CACNA1E: variants seen among roughly 807,000 people sequenced by gnomAD.
CACNA1E encodes the protein calcium voltage-gated channel subunit alpha1 E, also known as voltage-dependent R-type calcium channel subunit alpha-1E.
Under a neutral mutation model 259.2 loss-of-function variants are expected in CACNA1E, and 40 were observed. That is an observed-to-expected ratio of 0.15 (90% confidence interval 0.12 to 0.20). CACNA1E has a LOEUF of 0.20. Among genes scored for constraint, CACNA1E ranks in the 10% least tolerant of loss-of-function variants. The pLI, the probability that CACNA1E is intolerant of heterozygous loss-of-function variation, is 1.00. For synonymous variants in CACNA1E, 1,104 were observed against 1,138.5 expected, an observed-to-expected ratio of 0.97 and a Z score of 0.61; for missense variants, 1,874 against 3,040.1, an observed-to-expected ratio of 0.62 and a Z score of 9.02.
intron 35 of CACNA1E, among the ~76,000 whole-genome samples, chr1:181,768,005 T>C (rs1659175518): frequency 6.6e-6 from 1 of 152,282 alleles, no homozygotes. Flanking sequence ...GATGCTCGTA[T>C]ACAATGTGTA....
chr1:181,512,726 C>G (rs1666256285), intron 3 of CACNA1E, among the ~76,000 whole-genome samples: 1 of 152,060 alleles, frequency 6.6e-6, no homozygotes. Flanking sequence ...AGCAGCCAGC[C>G]CCTCAATATG....
intron 7 of CACNA1E, among the ~76,000 whole-genome samples, chr1:181,697,508 C>T (rs200208143): frequency 1.3e-5 from 2 of 152,268 alleles, no homozygotes; most frequent in East Asian, 3.9e-4. Context: ...ATATCAATAC[C>T]ACATCTTCCA....
chr1:181,680,105 CAAAAAAAAAAAAAAAAA>C (rs56198008), intron 7 of CACNA1E, among the ~76,000 whole-genome samples: 1 of 78,504 alleles, frequency 1.3e-5, no homozygotes, highest in African/African-American at 4.7e-5. Context: ...GACCTTGTCT[CAAAAAAAAAAAAAAAAA>C]AAAAAAAAAA....
intron 2 of CACNA1E, among the ~76,000 whole-genome samples, chr1:181,454,446 G>C (rs1409035090): frequency 1.3e-5 from 2 of 152,170 alleles, no homozygotes; most frequent in Non-Finnish European, 2.9e-5. Flanking sequence ...GACAGTTGAG[G>C]CTTAGACAAG....
At chr1:181,424,774 G>C (rs1031502444) in intron 2 of CACNA1E, among the ~76,000 whole-genome samples, 1 of 152,126 alleles carries the variant, frequency 6.6e-6, no homozygotes, top group South Asian at 2.1e-4. Context: ...GCAGGCCTTG[G>C]GGGAGGACTC....
chr1:181,411,545 C>T (rs1035920161), intron 1 of CACNA1E, among the ~76,000 whole-genome samples: 1 of 152,188 alleles, frequency 6.6e-6, no homozygotes, highest in African/African-American at 2.4e-5. Flanking sequence ...CTCTGTTTAA[C>T]CCGGCTCCAG....
chr1:181,757,790 CTG>C (rs1329666075), intron 30 of CACNA1E, among the ~76,000 whole-genome samples, 155 bp from the exon 31 acceptor site: 3 of 152,140 alleles, frequency 2.0e-5, no homozygotes, highest in African/African-American at 7.2e-5. Context: ...GACGCCTTGT[CTG>C]TAGTTTTGTC....
intron 3 of CACNA1E, among the ~76,000 whole-genome samples, chr1:181,541,120 G>A (rs1207189140): frequency 6.6e-6 from 1 of 152,116 alleles, no homozygotes; most frequent in Admixed American, 6.5e-5. Flanking sequence ...TTTTTCTTTT[G>A]TTAATTTGTC....
At chr1:181,619,574 G>A (rs1655540475) in intron 6 of CACNA1E, among the ~76,000 whole-genome samples, 1 of 152,122 alleles carries the variant, frequency 6.6e-6, no homozygotes, top group Non-Finnish European at 1.5e-5. Flanking sequence ...CTGCTTTGTT[G>A]GGAATGGACT....
At chr1:181,359,701 C>A (rs1653721159) in intron 1 of CACNA1E, among the ~76,000 whole-genome samples, 1 of 152,190 alleles carries the variant, frequency 6.6e-6, no homozygotes, top group Non-Finnish European at 1.5e-5. Flanking sequence ...CTGGTCTTTT[C>A]TCTGAGACGT....
Position 181,755,396 on chromosome 1 carries a change from A to G in CACNA1E, c.3988A>G (p.Ile1330Val), listed in dbSNP as rs1482035535. ...DSSKDTEKEC[I>V]GNYVDHEKNK... ...TTCCAAGGACACAGAGAAGGAGTGC[A>G]TGTAAGTGCCACCAGCGCATTCCAC... Residue 1330 changes from isoleucine (I) to valine (V), a missense_variant and splice_region_variant, in exon 28 of 48, where the codon ATA becomes GTA. Transcript: ENST00000367573. 6.2e-7 allele frequency: 1 copy of G among 1,613,428 alleles called. No individual in the cohort carries two copies. Among genetic ancestry groups the G allele is most frequent in the Non-Finnish European group, 8.5e-7 (1 of 1,179,462 alleles).
intron 18 of CACNA1E, among the ~76,000 whole-genome samples, chr1:181,728,945 CCTGCTCAGGTGTGTGTACA>C (rs1655190892): frequency 3.0e-5 from 1 of 33,214 alleles, no homozygotes; most frequent in Admixed American, 3.2e-4. Flanking sequence ...GTGTGTGTGC[CCTGCTCAGGTGTGTGTACA>C]CTGCTCAGGT....
At chr1:181,524,589 C>T (rs1054081953) in intron 3 of CACNA1E, among the ~76,000 whole-genome samples, 4 of 152,222 alleles carry the variant, frequency 2.6e-5, no homozygotes, top group Non-Finnish European at 5.9e-5. Flanking sequence ...GGCTTCCCTC[C>T]ACTTGGTGAG....
chr1:181,325,469 A>G (rs575160472), intron 1 of CACNA1E, among the ~76,000 whole-genome samples: 1 of 152,060 alleles, frequency 6.6e-6, no homozygotes, highest in South Asian at 2.1e-4. Context: ...CACCCTCGAG[A>G]ACTTCTTAGG....
chr1:181,570,590 C>T (rs150849918), intron 3 of CACNA1E, among the ~76,000 whole-genome samples: 329 of 152,350 alleles, frequency 2.2e-3, no homozygotes, highest in Admixed American at 5.5e-3. Flanking sequence ...TCCCATCTCT[C>T]CTCCCCAGAG....
chr1:181,372,828 A>ATAT (rs1491221060), intron 1 of CACNA1E, among the ~76,000 whole-genome samples: 46 of 101,638 alleles, frequency 4.5e-4, no homozygotes, highest in African/African-American at 9.5e-4. Flanking sequence ...ATATATATAT[A>ATAT]TTTTTTTTTT....
chr1:181,387,197 G>C (rs930030494), intron 1 of CACNA1E, among the ~76,000 whole-genome samples: 1 of 152,082 alleles, frequency 6.6e-6, no homozygotes, highest in Admixed American at 6.5e-5. Flanking sequence ...TGCTGTGAGT[G>C]GGGTGAGGTG....
intron 6 of CACNA1E, among the ~76,000 whole-genome samples, chr1:181,642,232 G>C (rs1257580522): frequency 1.3e-5 from 2 of 152,142 alleles, no homozygotes; most frequent in East Asian, 3.9e-4. Flanking sequence ...GTTTGTGCAA[G>C]ATGCTGTGAT....
chr1:181,502,520 C>G (rs756556755), intron 1 of CACNA1E, among the ~76,000 whole-genome samples: 6 of 152,052 alleles, frequency 3.9e-5, no homozygotes, highest in Non-Finnish European at 7.4e-5. Flanking sequence ...AACCTGGGCC[C>G]TCTCACCTGG....
Sources: gnomAD v4.1 joint callset for allele counts (sites outside exome capture counted in the v4.1 genomes callset) on GRCh38, gnomAD v4.1.1 for gene constraint, MANE v1.5 for transcripts, NCBI Gene and HGNC (gene_info 2026-07-23, HGNC 2026-07-21) for gene names.